GRK3: variants seen among roughly 807,000 people sequenced by gnomAD.
GRK3 encodes the protein adrenergic, beta, receptor kinase 2.
GRK3 carries 54 observed loss-of-function variants against 95.7 expected under a neutral mutation model. That is an observed-to-expected ratio of 0.56 (90% CI 0.45 to 0.71). The LOEUF (loss-of-function observed/expected upper bound fraction) is 0.71. Ranked by LOEUF, GRK3 falls within the 30% of genes least tolerant of loss-of-function variation. The probability of loss-of-function intolerance (pLI) is 0.00; values close to 1 mark genes in which losing one functional copy is unlikely to be tolerated. For missense variants in GRK3, 649 were observed against 851.2 expected, an observed-to-expected ratio of 0.76 and a Z score of 2.96; for synonymous variants, 281 against 290.8, an observed-to-expected ratio of 0.97 and a Z score of 0.34.
At position 25,604,362 on chromosome 22, in the gene GRK3, A is replaced by G. The variant is rs764569848; in HGVS notation, c.114-15A>G. The G allele has an allele frequency of 6.3e-7, 1 of 1,597,970 alleles. No homozygotes were observed. The highest frequency in any genetic ancestry group is 8.5e-7 in the Non-Finnish European group (1 of 1,170,328). Reference sequence around the variant, plus strand: ...TAGGCTGTATTGTTAAAAATGTGTCACTCTTCCCTTCCAGTATCCGGAGTG... The same window carrying G: ...TAGGCTGTATTGTTAAAAATGTGTCGCTCTTCCCTTCCAGTATCCGGAGTG... On this transcript the variant is annotated splice_polypyrimidine_tract_variant and intron_variant, in intron 1 of 20. Transcript: ENST00000324198.
chr22:25,567,578 T>C (rs1258082600), intron 1 of GRK3, among the ~76,000 whole-genome samples: 1 of 152,248 alleles, frequency 6.6e-6, no homozygotes, highest in African/African-American at 2.4e-5. Context: ...TCAAATGTTT[T>C]CTGATAAGTT....
At chr22:25,626,242 TTAGTGTGAAGTCTTAGCCCA>T (rs2084627509) in intron 2 of GRK3, among the ~76,000 whole-genome samples, 1 of 152,184 alleles carries the variant, frequency 6.6e-6, no homozygotes, top group African/African-American at 2.4e-5. Context: ...GATGATTCTC[TTAGTGTGAAGTCTTAGCCCA>T]CGCACCTGTC....
At chr22:25,650,661 T>C (rs1273239224) in intron 3 of GRK3, among the ~76,000 whole-genome samples, 2 of 152,274 alleles carry the variant, frequency 1.3e-5, no homozygotes, top group Non-Finnish European at 1.5e-5. Flanking sequence ...TGTCATAGAG[T>C]GACAAAATGG....
At chr22:25,650,826 G>A (rs1275986675) in intron 3 of GRK3, among the ~76,000 whole-genome samples, 2 of 152,164 alleles carry the variant, frequency 1.3e-5, no homozygotes, top group Non-Finnish European at 2.9e-5. Context: ...ATTCCAGTGG[G>A]ATACGGCTTT....
chr22:25,687,931 G>A (rs1462980448), intron 11 of GRK3, among the ~76,000 whole-genome samples: 1 of 152,128 alleles, frequency 6.6e-6, no homozygotes, highest in Non-Finnish European at 1.5e-5. Context: ...ATATTTAGTT[G>A]ATTAGTTAAT....
At chr22:25,701,988 A>G (rs2085262663) in intron 13 of GRK3, among the ~76,000 whole-genome samples, 1 of 152,160 alleles carries the variant, frequency 6.6e-6, no homozygotes, top group African/African-American at 2.4e-5. Context: ...TGGTAATTGT[A>G]CATTTTTTCC....
At chr22:25,627,616 GT>G (rs1206032586) in intron 2 of GRK3, among the ~76,000 whole-genome samples, 1 of 152,110 alleles carries the variant, frequency 6.6e-6, no homozygotes, top group African/African-American at 2.4e-5. Context: ...TTTATCCAAC[GT>G]TCATTGAGCC....
intron 15 of GRK3, among the ~76,000 whole-genome samples, chr22:25,709,160 T>C (rs1038115100): frequency 6.6e-6 from 1 of 151,846 alleles, no homozygotes; most frequent in Non-Finnish European, 1.5e-5. Flanking sequence ...GCTTCAGCCT[T>C]CCGAGTAGCT....
chr22:25,568,008 G>A (rs1436708364), intron 1 of GRK3, among the ~76,000 whole-genome samples: 1 of 152,194 alleles, frequency 6.6e-6, no homozygotes. Flanking sequence ...GCAAATCCTG[G>A]AAAAGCTGAC....
chr22:25,581,110 G>T (rs982800563), intron 1 of GRK3: 3 of 152,022 alleles, frequency 2.0e-5, no homozygotes, highest in Non-Finnish European at 4.4e-5. Context: ...GTGAGACTCT[G>T]TCTCAAAAAA....
intron 1 of GRK3, among the ~76,000 whole-genome samples, chr22:25,593,982 A>C (rs1263216256): frequency 6.6e-6 from 1 of 152,152 alleles, no homozygotes; most frequent in Non-Finnish European, 1.5e-5. Flanking sequence ...CTGTATCAGC[A>C]CTATGCTGTT....
intron 1 of GRK3, 100 bp downstream of exon 1, chr22:25,565,253 C>A (rs900172214): frequency 2.0e-6 from 1 of 499,562 alleles, no homozygotes; most frequent in African/African-American, 2.1e-5. Flanking sequence ...GCCTCCGCTG[C>A]CCCGGGGCGG....
At chr22:25,573,164 C>CTT (rs1601443357) in intron 1 of GRK3, among the ~76,000 whole-genome samples, 2 of 152,344 alleles carry the variant, frequency 1.3e-5, no homozygotes, top group East Asian at 3.9e-4. Context: ...TCCCCAGCTC[C>CTT]TTTACTTATT....
At chr22:25,634,653 G>A (rs1312835998) in intron 2 of GRK3, among the ~76,000 whole-genome samples, 1 of 152,100 alleles carries the variant, frequency 6.6e-6, no homozygotes, top group Non-Finnish European at 1.5e-5. Context: ...ATTATATTGT[G>A]TTTGTTCAAG....
chr22:25,633,741 G>A (rs1398369340), intron 2 of GRK3, among the ~76,000 whole-genome samples: 2 of 151,962 alleles, frequency 1.3e-5, no homozygotes, highest in Non-Finnish European at 2.9e-5. Flanking sequence ...CAAAATGGTT[G>A]ATTGTGTATT....
chr22:25,695,366 G>T (rs59734377), intron 13 of GRK3, 152 bp downstream of exon 13: 1 of 552,020 alleles, frequency 1.8e-6, no homozygotes. Context: ...CTCTGTCTTA[G>T]AAGAGTGAAA....
At chr22:25,697,702 T>A (rs1262554688) in intron 13 of GRK3, among the ~76,000 whole-genome samples, 1 of 152,156 alleles carries the variant, frequency 6.6e-6, no homozygotes, top group Non-Finnish European at 1.5e-5. Flanking sequence ...AAAAAAGATT[T>A]CAGTTTAATA....
intron 17 of GRK3, among the ~76,000 whole-genome samples, chr22:25,712,430 T>TA (rs2146465996): frequency 6.6e-6 from 1 of 152,372 alleles, no homozygotes; most frequent in East Asian, 1.9e-4. Context: ...CAAAGGTATT[T>TA]AAAAAATTTA....
At chr22:25,618,145 T>C (rs1394669540) in intron 2 of GRK3, among the ~76,000 whole-genome samples, 1 of 152,268 alleles carries the variant, frequency 6.6e-6, no homozygotes, top group Non-Finnish European at 1.5e-5. Flanking sequence ...CTGTGGACAC[T>C]GGAATTGTTT....
Sources: gnomAD v4.1 joint callset for allele counts (sites outside exome capture counted in the v4.1 genomes callset) on GRCh38, gnomAD v4.1.1 for gene constraint, MANE v1.5 for transcripts, NCBI Gene and HGNC (gene_info 2026-07-23, HGNC 2026-07-21) for gene names.